Variants in SGSM1 observed in about 807,000 individuals in gnomAD.
SGSM1 encodes the protein small G protein signaling modulator 1.
Under a neutral mutation model 133.8 loss-of-function variants are expected in SGSM1, and 73 were observed. The ratio of observed to expected loss-of-function variants is 0.55; its 90% confidence interval spans 0.45 to 0.66. The LOEUF (loss-of-function observed/expected upper bound fraction) is 0.66. Ranked by LOEUF, SGSM1 falls within the 30% of genes least tolerant of loss-of-function variation. The probability of loss-of-function intolerance (pLI) is 0.00; values close to 1 mark genes in which losing one functional copy is unlikely to be tolerated. For missense variants in SGSM1, 1,213 were observed against 1,448.1 expected, an observed-to-expected ratio of 0.84 and a Z score of 2.64; for synonymous variants, 563 against 573.0, an observed-to-expected ratio of 0.98 and a Z score of 0.25.
chr22:24,855,270 C>A lies in SGSM1; in HGVS notation c.524-15C>A. On this transcript the variant is annotated splice_polypyrimidine_tract_variant and intron_variant, in intron 6 of 24. Coordinates refer to ENST00000400358, the MANE Select transcript of SGSM1 (RefSeq NM_001098497.3). ...TTCCGGGGCAGTGGGTTTCCAGCCC[C>A]CACATGCCCCTCAGTGGGGCCCTGT... 6.2e-7 allele frequency: 1 copy of A among 1,604,418 alleles called. No homozygotes were observed. The highest frequency in any genetic ancestry group is 8.5e-7 in the Non-Finnish European group (1 of 1,175,392).
intron 10 of SGSM1, among the ~76,000 whole-genome samples, chr22:24,868,161 C>CT (rs779265853): frequency 2.0e-4 from 30 of 152,194 alleles, no homozygotes; most frequent in Middle Eastern, 6.8e-3. Flanking sequence ...TGACTTTGTC[C>CT]TGTAGTCCCG....
chr22:24,892,878 C>G (rs1932838143), intron 16 of SGSM1, among the ~76,000 whole-genome samples: 1 of 131,832 alleles, frequency 7.6e-6, no homozygotes. Flanking sequence ...GAAACCCCGT[C>G]TCTACTAAAA....
chr22:24,902,591 CAGG>C (rs1445640807), intron 20 of SGSM1, among the ~76,000 whole-genome samples: 3 of 152,182 alleles, frequency 2.0e-5, no homozygotes, highest in Non-Finnish European at 2.9e-5. Context: ...GAGGTGGAGG[CAGG>C]AGGATAGCTT....
At chr22:24,885,319 T>G (rs1932537825) in intron 15 of SGSM1, among the ~76,000 whole-genome samples, 1 of 152,086 alleles carries the variant, frequency 6.6e-6, no homozygotes, top group African/African-American at 2.4e-5. Flanking sequence ...GGGCTTAAAA[T>G]TAATTAAAAT....
intron 8 of SGSM1, among the ~76,000 whole-genome samples, chr22:24,857,199 C>T (rs1214111752): frequency 4.0e-5 from 6 of 149,026 alleles, no homozygotes; most frequent in African/African-American, 1.2e-4. Context: ...GTCAAGAGTC[C>T]AAGACCAGCC....
chr22:24,875,447 G>T (rs1195519891), intron 12 of SGSM1, among the ~76,000 whole-genome samples: 3 of 152,062 alleles, frequency 2.0e-5, no homozygotes, highest in East Asian at 3.8e-4. Context: ...ACAGAGTCAG[G>T]TGCTTATGAC....
At chr22:24,916,388 G>A (rs1336077138) in intron 22 of SGSM1, among the ~76,000 whole-genome samples, 1 of 152,106 alleles carries the variant, frequency 6.6e-6, no homozygotes, top group African/African-American at 2.4e-5. Context: ...ATGCATTGTA[G>A]CATGTATCAA....
At chr22:24,806,702 CT>C (rs1927411097) in intron 2 of SGSM1, among the ~76,000 whole-genome samples, 1 of 151,828 alleles carries the variant, frequency 6.6e-6, no homozygotes, top group South Asian at 2.1e-4. Flanking sequence ...CCATTTGAGG[CT>C]TTTTGCGGGG....
chr22:24,863,242 C>T (rs773780556), intron 9 of SGSM1, among the ~76,000 whole-genome samples: 32 of 152,180 alleles, frequency 2.1e-4, no homozygotes, highest in African/African-American at 6.8e-4. Flanking sequence ...CTGCAACCTC[C>T]GCCTCCTGGG....
chr22:24,810,513 A>G (rs561118319), intron 2 of SGSM1, among the ~76,000 whole-genome samples: 45 of 152,214 alleles, frequency 3.0e-4, no homozygotes, highest in African/African-American at 1.0e-3. Flanking sequence ...GCGAGCAGGG[A>G]CTGGCTTCCC....
chr22:24,917,790 CT>C (rs774671964), intron 23 of SGSM1, 36 bp downstream of exon 23: 2 of 1,563,910 alleles, frequency 1.3e-6, no homozygotes, highest in South Asian at 2.3e-5. Context: ...TGTCCAGACT[CT>C]TTGTAGCAGA....
In SGSM1 at chr22:24,859,815, G is replaced by C. The variant is rs1474830280; in HGVS notation, c.901G>C (p.Val301Leu). 1.2e-6 allele frequency: 2 copies of C among 1,613,908 alleles called. No individual in the cohort carries two copies. The highest frequency in any genetic ancestry group is 1.1e-5 in the South Asian group (1 of 91,072). ...ACCCAACCAGCTGATGAACGGGTCTGTGGGGGACCTGGACTATGAGAAGAG... is the reference window on the plus strand; with the variant it reads ...ACCCAACCAGCTGATGAACGGGTCTCTGGGGGACCTGGACTATGAGAAGAG... ...WTPNQLMNGS[V>L]GDLDYEKSVY... is the part of the protein sequence containing the mutation. The change falls in exon 9 of 25, where the codon GTG becomes CTG. Residue 301 changes from valine (V) to leucine (L), a missense_variant. Val to Leu is a conservative substitution (Grantham distance 32). Coordinates refer to ENST00000400358, the MANE Select transcript of SGSM1 (RefSeq NM_001098497.3).
intron 2 of SGSM1, among the ~76,000 whole-genome samples, chr22:24,824,855 G>A (rs1424705923): frequency 1.3e-5 from 2 of 152,142 alleles, no homozygotes; most frequent in African/African-American, 4.8e-5. Flanking sequence ...ACTTTGTAAC[G>A]ATTTACCCAT....
intron 12 of SGSM1, chr22:24,874,720 C>A: frequency 1.7e-6 from 2 of 1,160,140 alleles, no homozygotes; most frequent in Non-Finnish European, 1.2e-6. Flanking sequence ...TGCTGTCCAG[C>A]CTCCACTCTA....
intron 2 of SGSM1, among the ~76,000 whole-genome samples, chr22:24,817,380 G>A (rs1230137207): frequency 2.7e-5 from 4 of 150,732 alleles, no homozygotes; most frequent in Non-Finnish European, 4.4e-5. Flanking sequence ...TTGAGATGGA[G>A]TCTCACTCTG....
intron 12 of SGSM1, among the ~76,000 whole-genome samples, chr22:24,869,924 G>A (rs771173446): frequency 1.3e-5 from 2 of 152,220 alleles, no homozygotes; most frequent in Non-Finnish European, 2.9e-5. Context: ...CATTTATGAA[G>A]CATTGTATGG....
At chr22:24,892,355 C>G (rs1054000687) in intron 16 of SGSM1, among the ~76,000 whole-genome samples, 1 of 152,110 alleles carries the variant, frequency 6.6e-6, no homozygotes, top group African/African-American at 2.4e-5. Flanking sequence ...AATCCGTCCC[C>G]GTGGTGCCCA....
At chr22:24,846,710 T>C (rs940778052) in intron 3 of SGSM1, among the ~76,000 whole-genome samples, 2 of 152,224 alleles carry the variant, frequency 1.3e-5, no homozygotes, top group African/African-American at 2.4e-5. Flanking sequence ...TCAGTTCACT[T>C]ACATCGCCAT....
intron 19 of SGSM1, among the ~76,000 whole-genome samples, chr22:24,900,303 A>G (rs911650326): frequency 3.3e-5 from 5 of 151,408 alleles, no homozygotes; most frequent in Admixed American, 2.0e-4. Flanking sequence ...ACAGGCATGA[A>G]CCAGTGCACC....
Sources: allele counts gnomAD v4.1 joint callset (sites outside exome capture counted in the v4.1 genomes callset), GRCh38; gene constraint gnomAD v4.1.1; transcripts MANE v1.5; gene names NCBI Gene and HGNC (gene_info 2026-07-23, HGNC 2026-07-21).